The following EPHB3 variants were observed in gnomAD, a reference collection of about 807,000 sequenced individuals.
The protein encoded by EPHB3 is EPH receptor B3, also known as ephrin type-B receptor 3.
A neutral mutation model predicts 100.2 loss-of-function variants in EPHB3; 33 were observed. The ratio of observed to expected loss-of-function variants is 0.33; its 90% confidence interval spans 0.25 to 0.44. EPHB3 has a LOEUF of 0.44. Ranked by LOEUF, EPHB3 falls within the 20% of genes least tolerant of loss-of-function variation. EPHB3 has a pLI of 1.00. For synonymous variants in EPHB3, 526 were observed against 554.7 expected, an observed-to-expected ratio of 0.95 and a Z score of 0.73; for missense variants, 1,045 against 1,378.3, an observed-to-expected ratio of 0.76 and a Z score of 3.83.
chr3:184,573,053 G>A lies in EPHB3; in HGVS notation c.733G>A (p.Ala245Thr). The change falls in exon 3 of 16, where the codon GCC becomes ACC. Residue 245 changes from alanine (A) to threonine (T), a missense_variant. This residue lies in a region of EPHB3 where 985 missense variants were observed against 1,331.1 expected (regional missense o/e 0.74). Coordinates refer to ENST00000330394, the MANE Select transcript of EPHB3 (RefSeq NM_004443.4). The surrounding 1 kb of genome is among the most constrained non-coding windows in gnomAD (Gnocchi z 4.5). Reference sequence around the variant, plus strand: ...TGCTCCTGGCACCTGCATCCCTAACGCCGTGGAGGTGTCGGTGCCACTCAA... The same window carrying A: ...TGCTCCTGGCACCTGCATCCCTAACACCGTGGAGGTGTCGGTGCCACTCAA... ...VIAPGTCIPNAVEVSVPLKLY... is the reference protein window; with the variant it reads ...VIAPGTCIPNTVEVSVPLKLY... The A allele has an allele frequency of 3.1e-6, 5 of 1,613,244 alleles. No individual in the cohort carries two copies. The highest frequency in any genetic ancestry group is 1.6e-4 in the Middle Eastern group (1 of 6,062).
At position 184,580,621 on chromosome 3, in the gene EPHB3, C is replaced by A. The variant is rs765964220; in HGVS notation, c.2388+4C>A. The A allele has an allele frequency of 6.2e-7, 1 of 1,612,484 alleles. No individual in the cohort carries two copies. The highest frequency in any genetic ancestry group is 8.5e-7 in the Non-Finnish European group (1 of 1,178,652). Reference sequence around the variant, plus strand: ...TCCTACCTACACCAGTTCCCTGGTACAGGAAGCCGCTGGGAGGGAGACTGG... The same window carrying A: ...TCCTACCTACACCAGTTCCCTGGTAAAGGAAGCCGCTGGGAGGGAGACTGG... On this transcript the variant is annotated splice_donor_region_variant and intron_variant, in intron 12 of 15. Transcript: ENST00000330394.
At position 184,569,821 on chromosome 3, in the gene EPHB3, C is replaced by T. The variant is rs915256908; in HGVS notation, c.119-1497C>T. On this transcript the variant is annotated intron_variant, in intron 1 of 15. Coordinates refer to ENST00000330394, the MANE Select transcript of EPHB3 (RefSeq NM_004443.4). This position sits in a 1 kb window ranked among gnomAD's most constrained non-coding sequence, Gnocchi z 5.4. ...TGTGGCCGCGGGGTTTGGGCTTTTC[C>T]CCACTTGGGCACCCAGAGGGGATGA... Among the ~76,000 whole-genome samples, 1 of 152,256 alleles carries T rather than the reference C, an allele frequency of 6.6e-6. No homozygotes were observed. Among genetic ancestry groups the T allele is most frequent in the Non-Finnish European group, 1.5e-5 (1 of 68,040 alleles).
intron 1 of EPHB3, among the ~76,000 whole-genome samples, chr3:184,570,233 G>A (rs758167549): frequency 6.6e-5 from 10 of 152,294 alleles, no homozygotes; most frequent in Non-Finnish European, 1.0e-4. Context: ...GCTCTGTTGG[G>A]ACTTAAATGA....
chr3:184,575,482 G>T (rs545743805), intron 3 of EPHB3, among the ~76,000 whole-genome samples: 1 of 152,066 alleles, frequency 6.6e-6, no homozygotes, highest in African/African-American at 2.4e-5. Context: ...CTAGCCCACC[G>T]GTGGTCTCTT....
At position 184,571,209 on chromosome 3, in the gene EPHB3, C is replaced by A; in HGVS notation, c.119-109C>A. On this transcript the variant is annotated intron_variant, in intron 1 of 15. Transcript: ENST00000330394. This position sits in a 1 kb window ranked among gnomAD's most constrained non-coding sequence, Gnocchi z 5.0. ...CCTCAAGTGATCCACCTGCCTCAGA[C>A]TCCCAAAGTGCTGGGATTACAGGTG... The A allele has an allele frequency of 1.9e-6, 2 of 1,071,402 alleles. No homozygotes were observed. The highest frequency in any genetic ancestry group is 2.9e-6 in the Non-Finnish European group (2 of 700,992). The allele number at this position is 1,071,402 out of a possible 1,614,324, so 66.4% of individuals were successfully genotyped here. A position where few individuals can be genotyped will look rare whatever the true frequency, so the allele number is the denominator to read the frequency against.
In EPHB3 at chr3:184,575,830, C is replaced by G; in HGVS notation, c.857C>G (p.Pro286Arg). 6.3e-7 allele frequency: 1 copy of G among 1,598,630 alleles called. No individual in the cohort carries two copies. Among genetic ancestry groups the G allele is most frequent in the Non-Finnish European group, 8.5e-7 (1 of 1,172,486 alleles). ...EPAAKESQCR[P>R]CPPGSYKAKQ... The stretch of plus-strand genomic sequence containing the variant: ...CCATTCATCCTCTTCTCTCCCACAG[C>G]CTGTCCCCCTGGGAGCTACAAGGCG... Residue 286 changes from proline (P) to arginine (R), a missense_variant and splice_region_variant, in exon 4 of 16, where the codon CCC becomes CGC. Pro to Arg is a moderately radical substitution (Grantham distance 103, BLOSUM62 -2). Transcript: ENST00000330394.
chr3:184,565,058 C>T lies in EPHB3; in HGVS notation c.118+2705C>T, dbSNP rs1008006032. 1.3e-5 allele frequency among the ~76,000 whole-genome samples: 2 copies of T among 152,100 alleles called. No homozygotes were observed. The highest frequency in any genetic ancestry group is 2.9e-5 in the Non-Finnish European group (2 of 68,012). ...TACCCCCTAGTTAGATGCTGTCTAG[C>T]ACCTGGTTCCTCTTCCCTTCCTGCA... On this transcript the variant is annotated intron_variant, in intron 1 of 15. Transcript: ENST00000330394. This position sits in a 1 kb window ranked among gnomAD's most constrained non-coding sequence, Gnocchi z 4.8.
rs972153705 is a variant in EPHB3, at chr3:184,569,344, G to C, written c.119-1974G>C. ...GTCTCCTCGGGCCTCCGCGTCTCTC[G>C]GTCTCCCTGTCTTTGTAGTCAGCCG... On this transcript the variant is annotated intron_variant, in intron 1 of 15. Transcript: ENST00000330394. This position sits in a 1 kb window ranked among gnomAD's most constrained non-coding sequence, Gnocchi z 5.4. Among the ~76,000 whole-genome samples, 4 of 151,990 alleles carry C rather than the reference G, an allele frequency of 2.6e-5. No homozygotes were observed. The highest frequency in any genetic ancestry group is 9.7e-5 in the African/African-American group (4 of 41,406).
chr3:184,566,714 G>C lies in EPHB3; in HGVS notation c.118+4361G>C, dbSNP rs116899716. On this transcript the variant is annotated intron_variant, in intron 1 of 15. Transcript: ENST00000330394. The stretch of plus-strand genomic sequence containing the variant: ...CTCCTTGCGCAGACCCTGGCCCCCT[G>C]CCCTCCTGCCCCGCTGCACACTCTG... 6.7e-4 allele frequency among the ~76,000 whole-genome samples: 102 copies of C among 152,330 alleles called. 1 individual carries two copies. In the East Asian group the frequency reaches 0.017, roughly 26 times the overall value.
chr3:184,575,483 G>A (rs1165785439), intron 3 of EPHB3, among the ~76,000 whole-genome samples: 2 of 152,092 alleles, frequency 1.3e-5, no homozygotes, highest in African/African-American at 4.8e-5. Context: ...TAGCCCACCG[G>A]TGGTCTCTTC....
In EPHB3 at chr3:184,573,934, C is replaced by T. The variant is rs1419012086; in HGVS notation, c.856+758C>T. Among the ~76,000 whole-genome samples the T allele has an allele frequency of 1.3e-5, 2 of 152,070 alleles. No homozygotes were observed. Among genetic ancestry groups the T allele is most frequent in the Non-Finnish European group, 2.9e-5 (2 of 68,016 alleles). Reference sequence around the variant, plus strand: ...TTCACCATGTTGGTCAGGCTGGTCTCGAACTCCTGACCTCAAGTGATCCAC... The same window carrying T: ...TTCACCATGTTGGTCAGGCTGGTCTTGAACTCCTGACCTCAAGTGATCCAC... On this transcript the variant is annotated intron_variant, in intron 3 of 15. Coordinates refer to ENST00000330394, the MANE Select transcript of EPHB3 (RefSeq NM_004443.4). The surrounding 1 kb of genome is among the most constrained non-coding windows in gnomAD (Gnocchi z 4.5).
Position 184,575,855 on chromosome 3 carries a change from G to A in EPHB3, c.882G>A (p.Ala294=), listed in dbSNP as rs139031942. ...CRPCPPGSYK[A]KQGEGPCLPC... ...CCTGTCCCCCTGGGAGCTACAAGGCGAAGCAGGGAGAGGGGCCCTGCCTCC... is the reference window on the plus strand; with the variant it reads ...CCTGTCCCCCTGGGAGCTACAAGGCAAAGCAGGGAGAGGGGCCCTGCCTCC... The change falls in exon 4 of 16, where the codon GCG becomes GCA. Residue 294 remains alanine (A), a synonymous_variant. Transcript: ENST00000330394. The A allele has an allele frequency of 3.8e-4, 608 of 1,612,012 alleles. 2 individuals are homozygous for A. In the African/African-American group the frequency reaches 6.7e-3, roughly 18 times the overall value.
rs757456983 is a variant in EPHB3, at chr3:184,571,434, C to G, written c.183+52C>G. On this transcript the variant is annotated intron_variant, in intron 2 of 15. Coordinates refer to ENST00000330394, the MANE Select transcript of EPHB3 (RefSeq NM_004443.4). This position sits in a 1 kb window ranked among gnomAD's most constrained non-coding sequence, Gnocchi z 5.0. The stretch of plus-strand genomic sequence containing the variant: ...GTGTTGTTTGCCATTAGGCCTCCCC[C>G]CACTTCCAGCCTCCGTGCCCCCTCA... 1.9e-6 allele frequency: 3 copies of G among 1,597,618 alleles called. No individual in the cohort carries two copies. The highest frequency in any genetic ancestry group is 2.2e-5 in the East Asian group (1 of 44,700).
rs184223112 is a variant in EPHB3 at position 184,578,947 on chromosome 3, G to T, written c.1801+481G>T. 1.3e-5 allele frequency among the ~76,000 whole-genome samples: 2 copies of T among 152,218 alleles called. No individual in the cohort carries two copies. The highest frequency in any genetic ancestry group is 1.3e-4 in the Admixed American group (2 of 15,290). Reference sequence around the variant, plus strand: ...GTGGGGAAGGAGCCCAACTGTGGGGGCAGCGAGAAGACTGGTTTGACAGCT... The same window carrying T: ...GTGGGGAAGGAGCCCAACTGTGGGGTCAGCGAGAAGACTGGTTTGACAGCT... On this transcript the variant is annotated intron_variant, in intron 9 of 15. Coordinates refer to ENST00000330394, the MANE Select transcript of EPHB3 (RefSeq NM_004443.4). This position sits in a 1 kb window ranked among gnomAD's most constrained non-coding sequence, Gnocchi z 4.7.
rs897880397 is a variant in EPHB3 at position 184,563,186 on chromosome 3, C to T, written c.118+833C>T. Reference sequence around the variant, plus strand: ...TTGTTGGCGCTGGCAGGAGAGCTCACACGCATGCCACTTGACACAAGCTTG... The same window carrying T: ...TTGTTGGCGCTGGCAGGAGAGCTCATACGCATGCCACTTGACACAAGCTTG... On this transcript the variant is annotated intron_variant, in intron 1 of 15. Transcript: ENST00000330394. The surrounding 1 kb of genome is among the most constrained non-coding windows in gnomAD (Gnocchi z 4.1). Among the ~76,000 whole-genome samples the T allele has an allele frequency of 5.3e-5, 8 of 152,218 alleles. No homozygotes were observed. The highest frequency in any genetic ancestry group is 1.9e-4 in the African/African-American group (8 of 41,458).
rs371079069 is a variant in EPHB3 at position 184,579,854 on chromosome 3, G to A, written c.2092G>A (p.Glu698Lys). 49 of 1,613,456 alleles carry A rather than the reference G, an allele frequency of 3.0e-5. No individual in the cohort carries two copies. Among genetic ancestry groups the A allele is most frequent in the Non-Finnish European group, 3.9e-5 (46 of 1,179,956 alleles). ...QFDHPNIIRLEGVVTKSRPVM... is the reference protein window; with the variant it reads ...QFDHPNIIRLKGVVTKSRPVM... ...TGATCACCCCAATATAATCCGGCTCGAGGGCGTGGTCACCAAAAGTCGGCC... is the reference window on the plus strand; with the variant it reads ...TGATCACCCCAATATAATCCGGCTCAAGGGCGTGGTCACCAAAAGTCGGCC... Residue 698 changes from glutamate to lysine, a missense_variant, in exon 11 of 16, where the codon GAG becomes AAG. Transcript: ENST00000330394. This position sits in a 1 kb window ranked among gnomAD's most constrained non-coding sequence, Gnocchi z 5.2.
chr3:184,568,530 A>C (rs1714452849), intron 1 of EPHB3, among the ~76,000 whole-genome samples: 2 of 152,022 alleles, frequency 1.3e-5, no homozygotes, highest in South Asian at 4.1e-4. Context: ...CGCCGCACAC[A>C]CAGCACAGAA....
In EPHB3 at chr3:184,571,242, C is replaced by G; in HGVS notation, c.119-76C>G. The stretch of plus-strand genomic sequence containing the variant: ...GTGCTGGGATTACAGGTGTGAGCCA[C>G]TTCGCTCATCTGTGATCTCTTCTGT... On this transcript the variant is annotated intron_variant, in intron 1 of 15. Transcript: ENST00000330394. The surrounding 1 kb of genome is among the most constrained non-coding windows in gnomAD (Gnocchi z 5.0). The G allele has an allele frequency of 6.6e-7, 1 of 1,508,212 alleles. No homozygotes were observed. Among genetic ancestry groups the G allele is most frequent in the Non-Finnish European group, 9.2e-7 (1 of 1,085,964 alleles). 93.4% of individuals were successfully genotyped at this position (1,508,212 alleles called of 1,614,324 possible).
At chr3:184,580,253 G>C (rs988004820) in intron 11 of EPHB3, 149 bp from the exon 12 acceptor site, 1 of 975,516 alleles carries the variant, frequency 1.0e-6, no homozygotes, top group African/African-American at 1.6e-5. Context: ...TTGACACATA[G>C]TAGGGCAGCT....
Sources: allele counts gnomAD v4.1 joint callset (sites outside exome capture counted in the v4.1 genomes callset), GRCh38; gene constraint gnomAD v4.1.1; regional missense constraint gnomAD v4.1.1; non-coding constraint Gnocchi (gnomAD v3.1); transcripts MANE v1.5; gene names NCBI Gene and HGNC (gene_info 2026-07-23, HGNC 2026-07-21).